PLPP4: variants seen among roughly 807,000 people sequenced by gnomAD.
The protein encoded by PLPP4 is diacylglycerol pyrophosphate like 2.
PLPP4 carries 20 observed loss-of-function variants against 32.2 expected under a neutral mutation model. The ratio of observed to expected loss-of-function variants is 0.62; its 90% confidence interval spans 0.44 to 0.90. The LOEUF is 0.90. Among genes scored for constraint, PLPP4 ranks in the 40% least tolerant of loss-of-function variants. The pLI is 0.00. For synonymous variants in PLPP4, 127 were observed against 133.0 expected, an observed-to-expected ratio of 0.95 and a Z score of 0.31; for missense variants, 257 against 353.1, an observed-to-expected ratio of 0.73 and a Z score of 2.18.
chr10:120,582,562 A>G (rs1849558031), intron 6 of PLPP4, among the ~76,000 whole-genome samples: 1 of 108,210 alleles, frequency 9.2e-6, no homozygotes, highest in African/African-American at 3.0e-5. Context: ...ACTTCAGCAT[A>G]TCTTTCAAAA....
chr10:120,497,277 T>C (rs1350817221), intron 1 of PLPP4, among the ~76,000 whole-genome samples: 5 of 152,180 alleles, frequency 3.3e-5, no homozygotes, highest in African/African-American at 1.2e-4. Context: ...AACTTTAGTT[T>C]TCTTCCTGCT....
In PLPP4 at chr10:120,503,545, C is replaced by T. The variant is rs186738925; in HGVS notation, c.57-273C>T. ...CCAGTTTACTTTGGAACCCCAAGTC[C>T]TTGGAGTCTTTGTACACACAAAGCT... is the stretch of plus-strand genomic sequence containing the variant. On this transcript the variant is annotated intron_variant, in intron 1 of 6. Transcript: ENST00000398250. 276 of 1,601,722 alleles carry T rather than the reference C, an allele frequency of 1.7e-4. No homozygotes were observed. The African/African-American group carries it at 3.3e-3, about 19-fold the overall frequency.
At chr10:120,470,605 C>T (rs189649126) in intron 1 of PLPP4, among the ~76,000 whole-genome samples, 3 of 151,980 alleles carry the variant, frequency 2.0e-5, no homozygotes, top group African/African-American at 4.8e-5. Flanking sequence ...TTACTTGTCC[C>T]CCTCAAATGG....
Position 120,548,269 on chromosome 10 carries a change from C to T in PLPP4, c.446-26862C>T, listed in dbSNP as rs565090451. On this transcript the variant is annotated intron_variant, in intron 5 of 6. Coordinates refer to ENST00000398250, the MANE Select transcript of PLPP4 (RefSeq NM_001030059.3). ...AATAGGCCTCAGTTTTTGTCATTCT[C>T]GTCTTTGTGTTCATATATACTCAGT... Among the ~76,000 whole-genome samples the T allele has an allele frequency of 3.9e-5, 6 of 152,114 alleles. No individual in the cohort carries two copies. In the South Asian group the frequency reaches 6.2e-4, roughly 16 times the overall value.
intron 5 of PLPP4, among the ~76,000 whole-genome samples, chr10:120,534,124 T>TA (rs555619063): frequency 2.9e-4 from 44 of 152,250 alleles, no homozygotes; most frequent in Middle Eastern, 3.4e-3. Flanking sequence ...CTAAAGACTT[T>TA]AGTATTTTTT....
chr10:120,545,793 G>T (rs1393314187), intron 5 of PLPP4, among the ~76,000 whole-genome samples: 4 of 152,202 alleles, frequency 2.6e-5, no homozygotes, highest in Admixed American at 2.0e-4. Context: ...TTGTTCCTGG[G>T]TTTATCTGTG....
intron 1 of PLPP4, among the ~76,000 whole-genome samples, chr10:120,493,377 G>A (rs537352277): frequency 3.9e-5 from 6 of 152,264 alleles, no homozygotes; most frequent in African/African-American, 9.6e-5. Flanking sequence ...TGCCATGGCC[G>A]TCCTGTCTCC....
chr10:120,525,822 T>A (rs1846363259), intron 5 of PLPP4, among the ~76,000 whole-genome samples: 1 of 152,216 alleles, frequency 6.6e-6, no homozygotes, highest in Non-Finnish European at 1.5e-5. Context: ...GCTTTGTTTT[T>A]CTTTCTTTCT....
At chr10:120,469,446 C>G (rs1190445234) in intron 1 of PLPP4, among the ~76,000 whole-genome samples, 2 of 152,118 alleles carry the variant, frequency 1.3e-5, no homozygotes, top group Non-Finnish European at 2.9e-5. Context: ...CCAGGATGGT[C>G]TTGATCTCCT....
intron 5 of PLPP4, among the ~76,000 whole-genome samples, chr10:120,565,241 C>G (rs563955415): frequency 3.9e-5 from 6 of 152,056 alleles, no homozygotes; most frequent in African/African-American, 1.2e-4. Context: ...CTTTGCTTAG[C>G]ATTCCCTCGT....
At position 120,520,751 on chromosome 10, in the gene PLPP4, G is replaced by A. The variant is rs553400143; in HGVS notation, c.321-220G>A. 2.6e-5 allele frequency among the ~76,000 whole-genome samples: 4 copies of A among 152,254 alleles called. No individual in the cohort carries two copies. The South Asian group carries it at 6.2e-4, about 24-fold the overall frequency. On this transcript the variant is annotated intron_variant, in intron 4 of 6. Transcript: ENST00000398250. The stretch of plus-strand genomic sequence containing the variant: ...TGACCTTCCCAAGGTCATAAAGTGA[G>A]TAAGTGGTACATGGGAGCGCCAACT...
At chr10:120,586,330 G>A (rs1414480055) in intron 6 of PLPP4, among the ~76,000 whole-genome samples, 1 of 148,580 alleles carries the variant, frequency 6.7e-6, no homozygotes, top group Non-Finnish European at 1.5e-5. Context: ...TTTTAGTAGA[G>A]ACAGGGTTTC....
intron 5 of PLPP4, among the ~76,000 whole-genome samples, chr10:120,558,567 C>T (rs1295184980): frequency 6.6e-6 from 1 of 151,894 alleles, no homozygotes; most frequent in East Asian, 1.9e-4. Context: ...AGGTGCCCAC[C>T]ACCACACCTG....
chr10:120,486,244 T>A (rs1844441553), intron 1 of PLPP4, among the ~76,000 whole-genome samples: 2 of 135,548 alleles, frequency 1.5e-5, no homozygotes, highest in Non-Finnish European at 3.1e-5. Flanking sequence ...TGAGAGGCTT[T>A]CCTCCCATTT....
intron 6 of PLPP4, among the ~76,000 whole-genome samples, chr10:120,581,790 T>C (rs1849527602): frequency 6.7e-6 from 1 of 150,134 alleles, no homozygotes; most frequent in Non-Finnish European, 1.5e-5. Context: ...TTGCAGCCCC[T>C]TCCCCACATG....
At chr10:120,519,909 C>T (rs1362477706) in intron 4 of PLPP4, among the ~76,000 whole-genome samples, 2 of 152,176 alleles carry the variant, frequency 1.3e-5, no homozygotes, top group Non-Finnish European at 2.9e-5. Flanking sequence ...TCAAGTGAGG[C>T]AGTAAAGCAT....
intron 5 of PLPP4, among the ~76,000 whole-genome samples, chr10:120,543,832 C>T (rs1847478955): frequency 6.6e-6 from 1 of 152,190 alleles, no homozygotes; most frequent in African/African-American, 2.4e-5. Context: ...TTCAATAACT[C>T]TAGGTCCCTC....
intron 1 of PLPP4, 27 bp from the exon 2 acceptor site, chr10:120,503,791 T>G (rs564541421): frequency 5.0e-5 from 80 of 1,601,344 alleles, no homozygotes; most frequent in Non-Finnish European, 6.4e-5. Flanking sequence ...CGCTCAACCT[T>G]CATGTACTTT....
At chr10:120,578,095 C>T (rs12255428) in intron 6 of PLPP4, among the ~76,000 whole-genome samples, 5,562 of 152,244 alleles carry the variant, frequency 0.037, 239 homozygotes, top group East Asian at 0.17. Context: ...GTCAATACTG[C>T]CCAGGTTGAG....
Sources: allele counts gnomAD v4.1 joint callset (sites outside exome capture counted in the v4.1 genomes callset), GRCh38; gene constraint gnomAD v4.1.1; transcripts MANE v1.5; gene names NCBI Gene and HGNC (gene_info 2026-07-23, HGNC 2026-07-21).